Variants in APC observed in about 807,000 individuals in gnomAD.
The protein encoded by APC is APC regulator of Wnt signaling pathway.
Under a neutral mutation model 247.0 loss-of-function variants are expected in APC, and 72 were observed. The observed-to-expected ratio is 0.29, with a 90% CI of 0.24 to 0.35. The LOEUF (loss-of-function observed/expected upper bound fraction) is 0.35, where lower values mean the gene tolerates loss of function less well. APC is among the 10% of genes least tolerant of loss of function. The probability of loss-of-function intolerance (pLI) is 1.00; values close to 1 mark genes in which losing one functional copy is unlikely to be tolerated. For missense variants in APC, 3,400 were observed against 3,360.7 expected (o/e 1.01, Z -0.29); for synonymous variants, 1,254 against 1,162.5 (o/e 1.08, Z -1.60).
At chr5:112,782,339 G>A (rs1265522595) in intron 6 of APC, among the ~76,000 whole-genome samples, 2 of 152,118 alleles carry the variant, frequency 1.3e-5, no homozygotes, top group Non-Finnish European at 2.9e-5. Flanking sequence ...ACACATGGGA[G>A]CTGCAAGATG....
rs545380794 is a variant in APC at position 112,743,922 on chromosome 5, A to T, written c.-19+5997A>T. ...TTTTTCCCTCTGTTGCGCAGGCTAG[A>T]GTAGCTTCTGGGCTCAAGCAGTCCT... On this transcript the variant is annotated intron_variant, in intron 1 of 15. Coordinates refer to ENST00000257430, the MANE Select transcript of APC (RefSeq NM_000038.6). Among the ~76,000 whole-genome samples the T allele has an allele frequency of 1.4e-4, 22 of 152,168 alleles. No individual in the cohort carries two copies. In the South Asian group the frequency reaches 3.5e-3, roughly 24 times the overall value.
At chr5:112,736,687 G>A (rs769604854), upstream of APC, among the ~76,000 whole-genome samples, 1 of 152,198 alleles carries the variant, frequency 6.6e-6, no homozygotes, top group Admixed American at 6.5e-5. Context: ...GGACCGAGGT[G>A]GGCGGATCAC....
upstream of APC, among the ~76,000 whole-genome samples, chr5:112,734,204 G>A (rs558707029): frequency 6.6e-6 from 1 of 152,218 alleles, no homozygotes; most frequent in South Asian, 2.1e-4. Context: ...GAAAAAATGG[G>A]AGATGGTTAG....
At chr5:112,819,937 C>G (rs904627079) in intron 10 of APC, among the ~76,000 whole-genome samples, 1 of 152,128 alleles carries the variant, frequency 6.6e-6, no homozygotes, top group Non-Finnish European at 1.5e-5. Context: ...GCCCAGATCT[C>G]CTGACTCTCA....
At chr5:112,759,838 T>C (rs1561452240) in intron 2 of APC, among the ~76,000 whole-genome samples, 1 of 148,932 alleles carries the variant, frequency 6.7e-6, no homozygotes, top group Admixed American at 6.6e-5. Context: ...TTTTGAAACA[T>C]TTTTTTTTGG....
chr5:112,758,756 G>T (rs764496357), intron 2 of APC, among the ~76,000 whole-genome samples: 1 of 150,276 alleles, frequency 6.7e-6, no homozygotes, highest in Non-Finnish European at 1.5e-5. Flanking sequence ...GGTCCCTACC[G>T]CCACGCCCGG....
rs747844776 is a variant in APC at position 112,842,689 on chromosome 5, A to G, written c.7095A>G (p.Ser2365=). 1.7e-5 allele frequency: 27 copies of G among 1,613,282 alleles called. No homozygotes were observed. In the East Asian group the frequency reaches 2.2e-4, roughly 13 times the overall value. The change falls in exon 16 of 16, where the codon TCA becomes TCG. Residue 2365 remains serine, a synonymous_variant. Transcript: ENST00000257430. The stretch of plus-strand genomic sequence containing the variant: ...AGTCCTCAGGTTCTGGAAAAATGTC[A>G]TATACATCTCCAGGTAGACAGATGA... ...STKSSGSGKM[S]YTSPGRQMSQ...
At chr5:112,766,265 C>T (rs1756304202) in intron 2 of APC, 61 bp from the exon 3 acceptor site, 1 of 1,231,516 alleles carries the variant, frequency 8.1e-7, no homozygotes, top group Non-Finnish European at 1.2e-6. Flanking sequence ...TCAAGAAATA[C>T]AGAATCATGT....
chr5:112,753,060 ATTTTG>A (rs1177736537), intron 1 of APC, among the ~76,000 whole-genome samples: 3 of 151,690 alleles, frequency 2.0e-5, no homozygotes, highest in Non-Finnish European at 2.9e-5. Flanking sequence ...CTTTTCTCTT[ATTTTG>A]TTTTATTATT....
intron 1 of APC, among the ~76,000 whole-genome samples, chr5:112,753,768 C>T (rs1215972897): frequency 6.6e-6 from 1 of 152,122 alleles, no homozygotes; most frequent in Non-Finnish European, 1.5e-5. Context: ...AGTGTTACAA[C>T]CTGTCTGCCT....
At chr5:112,746,795 C>T (rs1432993464) in intron 1 of APC, among the ~76,000 whole-genome samples, 2 of 152,018 alleles carry the variant, frequency 1.3e-5, no homozygotes, top group Non-Finnish European at 2.9e-5. Context: ...AAGTTTCAAG[C>T]TAACAATAAA....
At position 112,838,472 on chromosome 5, in the gene APC, T is replaced by TC; in HGVS notation, c.2879dup (p.Asn961LysfsTer2). 1 of 1,614,174 alleles carries TC rather than the reference T, an allele frequency of 6.2e-7. No individual in the cohort carries two copies. The highest frequency in any genetic ancestry group is 8.5e-7 in the Non-Finnish European group (1 of 1,180,038). On this transcript the variant is annotated frameshift_variant, in exon 16 of 16. Transcript: ENST00000257430. LOFTEE classifies it high-confidence loss of function. ...TGCCAAATTAGAATACAAGAGATCT[T>TC]CAAATGATAGTTTAAATAGTGTCAG... is the stretch of plus-strand genomic sequence containing the variant.
At chr5:112,739,433 T>C (rs1752725882) in intron 1 of APC, among the ~76,000 whole-genome samples, 1 of 152,236 alleles carries the variant, frequency 6.6e-6, no homozygotes, top group South Asian at 2.1e-4. Context: ...TTCAGTAATA[T>C]TTTCAAGATA....
At chr5:112,786,271 G>T (rs1758941125) in intron 6 of APC, among the ~76,000 whole-genome samples, 1 of 152,000 alleles carries the variant, frequency 6.6e-6, no homozygotes, top group Non-Finnish European at 1.5e-5. Flanking sequence ...GTTTTTTAAT[G>T]GACAGAGGAT....
chr5:112,792,394 A>G, intron 6 of APC, 52 bp from the exon 7 acceptor site: 1 of 1,218,850 alleles, frequency 8.2e-7, no homozygotes, highest in East Asian at 2.6e-5. Context: ...GATTATTTCT[A>G]TTAATATTAT....
At chr5:112,758,350 AGTCTCACACTGTC>A (rs1561449820) in intron 2 of APC, among the ~76,000 whole-genome samples, 5 of 152,016 alleles carry the variant, frequency 3.3e-5, no homozygotes, top group Admixed American at 2.6e-4. Context: ...TTTGAGACGA[AGTCTCACACTGTC>A]GCCTGGGCTC....
chr5:112,712,872 AT>A (rs1170246890), intron 1 of APC, among the ~76,000 whole-genome samples: 2 of 152,138 alleles, frequency 1.3e-5, no homozygotes, highest in Non-Finnish European at 2.9e-5. Context: ...GTTAACATTG[AT>A]TTAAACAGTA....
intron 8 of APC, among the ~76,000 whole-genome samples, chr5:112,812,534 T>C (rs1158905842): frequency 2.6e-5 from 4 of 152,230 alleles, no homozygotes; most frequent in African/African-American, 9.6e-5. Context: ...CCCTTGCTTA[T>C]GCCTCTGCCT....
intron 9 of APC, among the ~76,000 whole-genome samples, chr5:112,816,042 T>C (rs943685131): frequency 3.3e-5 from 5 of 152,252 alleles, no homozygotes; most frequent in African/African-American, 1.2e-4. Flanking sequence ...ACATCCACTT[T>C]TCTGCAAGAA....
Sources: gnomAD v4.1 joint callset for allele counts (sites outside exome capture counted in the v4.1 genomes callset) on GRCh38, gnomAD v4.1.1 for gene constraint, MANE v1.5 for transcripts, NCBI Gene and HGNC (gene_info 2026-07-23, HGNC 2026-07-21) for gene names.